The following SORCS1 variants were observed in gnomAD, a reference collection of about 807,000 sequenced individuals.
SORCS1 encodes VPS10 domain-containing receptor SorCS1.
SORCS1 carries 60 observed loss-of-function variants against 146.1 expected under a neutral mutation model. The observed-to-expected ratio is 0.41, with a 90% confidence interval of 0.33 to 0.51. SORCS1 has a LOEUF of 0.51. Ranked by LOEUF, SORCS1 falls within the 20% of genes least tolerant of loss-of-function variation. The pLI is 0.21. For missense variants in SORCS1, 1,352 were observed against 1,487.6 expected (o/e 0.91, Z 1.50); for synonymous variants, 637 against 584.0 (o/e 1.09, Z -1.31).
chr10:106,845,026 A>G (rs1163676072), intron 2 of SORCS1, among the ~76,000 whole-genome samples: 11 of 127,510 alleles, frequency 8.6e-5, no homozygotes, highest in African/African-American at 2.7e-4. Context: ...ATTGTGAATA[A>G]TGCCGCAATA....
intron 1 of SORCS1, among the ~76,000 whole-genome samples, chr10:107,038,696 C>T (rs1362350915): frequency 6.7e-6 from 1 of 149,886 alleles, no homozygotes; most frequent in Admixed American, 6.7e-5. Context: ...GGGCAGGGGG[C>T]GGGGGGGGAG....
intron 18 of SORCS1, among the ~76,000 whole-genome samples, chr10:106,647,416 A>ACACACACACACACAC (rs1554887109): frequency 1.3e-5 from 2 of 151,468 alleles, no homozygotes; most frequent in Admixed American, 6.6e-5. Flanking sequence ...ACACACACAC[A>ACACACACACACACAC]ATTTTCTACT....
intron 2 of SORCS1, among the ~76,000 whole-genome samples, chr10:106,903,374 A>G (rs1366979639): frequency 1.3e-5 from 2 of 152,200 alleles, no homozygotes; most frequent in Admixed American, 1.3e-4. Flanking sequence ...TGCTTTCCTG[A>G]CTGAGAAAAA....
intron 1 of SORCS1, among the ~76,000 whole-genome samples, chr10:107,148,135 T>C (rs922767821): frequency 6.6e-6 from 1 of 152,158 alleles, no homozygotes; most frequent in African/African-American, 2.4e-5. Flanking sequence ...TAGGAGTGTG[T>C]ATGCCTTTGA....
intron 24 of SORCS1, among the ~76,000 whole-genome samples, chr10:106,587,595 G>A (rs772664780): frequency 6.6e-6 from 1 of 152,218 alleles, no homozygotes; most frequent in Non-Finnish European, 1.5e-5. Context: ...CACATCCAGT[G>A]GTAGCAACTG....
intron 1 of SORCS1, among the ~76,000 whole-genome samples, chr10:107,068,959 T>C (rs1049687114): frequency 6.6e-6 from 1 of 151,998 alleles, no homozygotes; most frequent in Non-Finnish European, 1.5e-5. Context: ...CAATTATATA[T>C]ATGAAACCTA....
intron 1 of SORCS1, among the ~76,000 whole-genome samples, chr10:107,002,960 A>G (rs1957278658): frequency 6.6e-6 from 1 of 152,168 alleles, no homozygotes; most frequent in African/African-American, 2.4e-5. Flanking sequence ...TCATTACTAT[A>G]AAAAGTTGTT....
At chr10:107,037,187 A>C (rs1331206801) in intron 1 of SORCS1, among the ~76,000 whole-genome samples, 1 of 152,226 alleles carries the variant, frequency 6.6e-6, no homozygotes, top group East Asian at 1.9e-4. Context: ...CGGAGGTTGT[A>C]GTGAGCTGAG....
In SORCS1 at chr10:106,762,646, C is replaced by T. The variant is rs185773268; in HGVS notation, c.886-985G>A. On this transcript the variant is annotated intron_variant, in intron 4 of 25. Transcript: ENST00000263054. ...TCTCCTGACCTCATGATCCGCCCAC[C>T]TCGGCCTCCCAAAGCGCTGGGATTA... Among the ~76,000 whole-genome samples, 846 of 152,040 alleles carry T rather than the reference C, an allele frequency of 5.6e-3. 4 individuals carry two copies. The highest frequency in any genetic ancestry group is 6.8e-3 in the Middle Eastern group (2 of 294).
intron 1 of SORCS1, among the ~76,000 whole-genome samples, chr10:107,021,764 A>C (rs993792794): frequency 5.3e-5 from 8 of 152,124 alleles, no homozygotes; most frequent in African/African-American, 1.9e-4. Flanking sequence ...TGAAATTTCA[A>C]ACTTTTTCAC....
chr10:106,755,095 T>G (rs1275013766), intron 5 of SORCS1, among the ~76,000 whole-genome samples: 1 of 152,222 alleles, frequency 6.6e-6, no homozygotes, highest in Non-Finnish European at 1.5e-5. Context: ...CATCCTCCAG[T>G]AGAGAATTTG....
chr10:107,093,948 G>C (rs1488406599), intron 1 of SORCS1, among the ~76,000 whole-genome samples: 6 of 151,936 alleles, frequency 3.9e-5, no homozygotes, highest in Non-Finnish European at 4.4e-5. Context: ...CCTATGCCTG[G>C]ACCGCTATCC....
intron 2 of SORCS1, among the ~76,000 whole-genome samples, chr10:106,867,800 C>G (rs1279127936): frequency 6.6e-6 from 1 of 152,144 alleles, no homozygotes; most frequent in Non-Finnish European, 1.5e-5. Flanking sequence ...ACCACAAAAA[C>G]AAACCAGCAT....
rs141997985 is a variant in SORCS1 at position 106,993,758 on chromosome 10, G to T, written c.559-37178C>A. ...TATTTTTCCAAGGATGTAACATAAAGAAGGGAAATTTTCATATATAGAAGG... is the reference window on the plus strand; with the variant it reads ...TATTTTTCCAAGGATGTAACATAAATAAGGGAAATTTTCATATATAGAAGG... On this transcript the variant is annotated intron_variant, in intron 1 of 25. Transcript: ENST00000263054. Among the ~76,000 whole-genome samples the T allele has an allele frequency of 4.9e-3, 746 of 152,182 alleles. 3 individuals are homozygous for T. The highest frequency in any genetic ancestry group is 0.016 in the African/African-American group (652 of 41,514).
intron 10 of SORCS1, among the ~76,000 whole-genome samples, chr10:106,681,325 C>A (rs533868770): frequency 1.3e-5 from 2 of 152,290 alleles, no homozygotes; most frequent in East Asian, 3.9e-4. Context: ...TAATCCACAA[C>A]AATTTGTTTC....
chr10:106,723,205 T>C (rs1179875272), intron 6 of SORCS1, among the ~76,000 whole-genome samples: 1 of 152,150 alleles, frequency 6.6e-6, no homozygotes, highest in Non-Finnish European at 1.5e-5. Flanking sequence ...CTCTAAGTTA[T>C]CTTTTGGACA....
chr10:107,099,304 G>A (rs1964757636), intron 1 of SORCS1, among the ~76,000 whole-genome samples: 1 of 152,124 alleles, frequency 6.6e-6, no homozygotes, highest in African/African-American at 2.4e-5. Flanking sequence ...TCTTGATTGA[G>A]AAGATTTTTG....
intron 1 of SORCS1, among the ~76,000 whole-genome samples, chr10:107,074,965 A>G (rs985348251): frequency 6.6e-6 from 1 of 152,076 alleles, no homozygotes; most frequent in Admixed American, 6.6e-5. Context: ...ACCTTTATTG[A>G]TAAGTGTTTA....
In SORCS1 at chr10:107,093,615, G is replaced by A. The variant is rs111638896; in HGVS notation, c.558+70354C>T. 1.6e-3 allele frequency among the ~76,000 whole-genome samples: 248 copies of A among 152,136 alleles called. 4 individuals carry two copies. Among genetic ancestry groups the A allele is most frequent in the African/African-American group, 5.5e-3 (228 of 41,498 alleles). The stretch of plus-strand genomic sequence containing the variant: ...TTGAACCCGGGACAAGGAGGTTGCA[G>A]GGGGCTGAGATCACATCACTGCAGC... On this transcript the variant is annotated intron_variant, in intron 1 of 25. Coordinates refer to ENST00000263054, the MANE Select transcript of SORCS1 (RefSeq NM_052918.5).
Sources: allele counts gnomAD v4.1 joint callset (sites outside exome capture counted in the v4.1 genomes callset), GRCh38; gene constraint gnomAD v4.1.1; transcripts MANE v1.5; gene names NCBI Gene and HGNC (gene_info 2026-07-23, HGNC 2026-07-21).